IL13RA1: variants seen among roughly 807,000 people sequenced by gnomAD.
The protein encoded by IL13RA1 is interleukin-13 receptor subunit alpha-1.
Under a neutral mutation model 33.8 loss-of-function variants are expected in IL13RA1, and 14 were observed. The observed-to-expected ratio is 0.41, with a 90% CI of 0.27 to 0.65. IL13RA1 has a LOEUF of 0.65. Ranked by LOEUF, IL13RA1 falls within the 30% of genes least tolerant of loss-of-function variation. IL13RA1 has a pLI of 0.28. For missense variants in IL13RA1, 313 were observed against 327.0 expected (o/e 0.96, Z 0.33); for synonymous variants, 116 against 115.7 (o/e 1.00, Z -0.02).
chrX:118,775,040 ATAAT>A (rs1462455332), intron 9 of IL13RA1, among the ~76,000 whole-genome samples: 1 of 111,647 alleles, frequency 9.0e-6, no homozygotes, highest in Non-Finnish European at 1.9e-5. Context: ...CACAAAATAA[ATAAT>A]AAATACTATA....
At chrX:118,768,064 T>A in intron 8 of IL13RA1, among the ~76,000 whole-genome samples, 1 of 111,785 alleles carries the variant, frequency 8.9e-6, no homozygotes, top group Non-Finnish European at 1.9e-5. Flanking sequence ...TGATTTCTAA[T>A]ATTTGAGGTA....
At chrX:118,795,227 A>AAAAAAAAAAAAAAAAAG (rs200347606), downstream of IL13RA1, among the ~76,000 whole-genome samples, 9 of 94,998 alleles carry the variant, frequency 9.5e-5, no homozygotes, top group African/African-American at 4.3e-4. Flanking sequence ...AAAAAAAAAA[A>AAAAAAAAAAAAAAAAAG]AAAGAAAAAG....
intron 4 of IL13RA1, among the ~76,000 whole-genome samples, chrX:118,754,415 A>T (rs1357560155): frequency 2.7e-5 from 3 of 110,352 alleles, no homozygotes; most frequent in Non-Finnish European, 5.7e-5. Context: ...AGGCAGGTGG[A>T]TCATGAGGTC....
rs1283904550 is a variant in IL13RA1, at chrX:118,791,989, A to T, written c.*135A>T. 20 of 370,141 alleles carry T rather than the reference A, an allele frequency of 5.4e-5. No homozygotes were observed. Among genetic ancestry groups the T allele is most frequent in the Non-Finnish European group, 9.3e-6 (2 of 216,193 alleles). 30.5% of individuals were successfully genotyped at this position (370,141 alleles called of 1,213,427 possible). A position where few individuals can be genotyped will look rare whatever the true frequency, so the allele number is the denominator to read the frequency against. ...AAAACAGGCAGCTCATAAGAGCCAC[A>T]GGTCTTTATGTTGAGTCGCGCACCG... On this transcript the variant is annotated 3_prime_UTR_variant, in exon 11 of 11. Coordinates refer to ENST00000371666, the MANE Select transcript of IL13RA1 (RefSeq NM_001560.3).
At chrX:118,776,997 G>GTATA (rs34840439) in intron 10 of IL13RA1, among the ~76,000 whole-genome samples, 39 of 97,336 alleles carry the variant, frequency 4.0e-4, no homozygotes, top group African/African-American at 1.2e-3. Flanking sequence ...ATGTGTGTGT[G>GTATA]TATATATATA....
At chrX:118,800,644 C>T in the IL13RA1 span, among the ~76,000 whole-genome samples, 643 of 111,157 alleles carry the variant, frequency 5.8e-3, 9 homozygotes, top group African/African-American at 0.019. Flanking sequence ...AGACCAAGAA[C>T]CCACCAATTC....
At chrX:118,790,499 C>T (rs186725729) in intron 10 of IL13RA1, among the ~76,000 whole-genome samples, 15 of 111,428 alleles carry the variant, frequency 1.3e-4, no homozygotes, top group Non-Finnish European at 3.8e-5. Flanking sequence ...GGGTAAATAC[C>T]TGGGAGTGGG....
intron 3 of IL13RA1, among the ~76,000 whole-genome samples, chrX:118,748,747 C>G (rs1192471003): frequency 4.5e-5 from 5 of 111,615 alleles, no homozygotes; most frequent in African/African-American, 1.6e-4. Context: ...ACATTTTAAA[C>G]AGAGGTGTTT....
At chrX:118,770,258 C>T (rs1267438779) in intron 8 of IL13RA1, 4 of 326,823 alleles carry the variant, frequency 1.2e-5, no homozygotes, top group African/African-American at 7.9e-5. Flanking sequence ...CCATCGTGCA[C>T]CCTGCAATGT....
At chrX:118,750,790 G>T (rs975689333) in intron 4 of IL13RA1, among the ~76,000 whole-genome samples, 1 of 110,492 alleles carries the variant, frequency 9.1e-6, no homozygotes, top group Admixed American at 9.7e-5. Flanking sequence ...TATGTCCGGG[G>T]TCAAAAAGTT....
chrX:118,762,316 A>G (rs2017598293), intron 6 of IL13RA1, among the ~76,000 whole-genome samples: 3 of 112,681 alleles, frequency 2.7e-5, no homozygotes, highest in South Asian at 7.3e-4. Flanking sequence ...GTGTGTGTCC[A>G]TAAGATGGCG....
At chrX:118,754,166 C>T (rs1387133985) in intron 4 of IL13RA1, among the ~76,000 whole-genome samples, 1 of 111,019 alleles carries the variant, frequency 9.0e-6, no homozygotes. Flanking sequence ...TCCTGGCTCT[C>T]TTCCTTACTT....
intron 10 of IL13RA1, among the ~76,000 whole-genome samples, chrX:118,789,370 A>G (rs1007029120): frequency 8.9e-6 from 1 of 112,229 alleles, no homozygotes; most frequent in Non-Finnish European, 1.9e-5. Context: ...TCATATACCT[A>G]CCAGCAGTAT....
chrX:118,789,128 A>G (rs1214379602), intron 10 of IL13RA1, among the ~76,000 whole-genome samples: 2 of 112,654 alleles, frequency 1.8e-5, no homozygotes, highest in Non-Finnish European at 3.8e-5. Context: ...ATTCCCATTA[A>G]GGAAACTGGC....
chrX:118,800,665 C>T, the IL13RA1 span, among the ~76,000 whole-genome samples: 9 of 111,584 alleles, frequency 8.1e-5, no homozygotes, highest in African/African-American at 2.9e-4. Flanking sequence ...GGGACAGTGG[C>T]ATGATCACGG....
rs73595415 is a variant in IL13RA1 at position 118,767,838 on chromosome X, G to A, written c.1009+862G>A. On this transcript the variant is annotated intron_variant, in intron 8 of 10. Transcript: ENST00000371666. ...TGTCAAAAAGGCATATACAATCTTA[G>A]GAGTGATAAGTGCAGCACCCAGAAA... 3.8e-3 allele frequency among the ~76,000 whole-genome samples: 426 copies of A among 111,351 alleles called. 7 individuals carry two copies. The highest frequency in any genetic ancestry group is 0.013 in the African/African-American group (413 of 30,631).
In IL13RA1 at chrX:118,764,614, G is replaced by A. The variant is rs144272188; in HGVS notation, c.829-1916G>A. On this transcript the variant is annotated intron_variant, in intron 6 of 10. Coordinates refer to ENST00000371666, the MANE Select transcript of IL13RA1 (RefSeq NM_001560.3). ...ATTGAATGTCAAAAATAATATCTAT[G>A]TGTTCTGGTCTTGGTTCCAAGTTTA... is the stretch of plus-strand genomic sequence containing the variant. Among the ~76,000 whole-genome samples, 14 of 111,368 alleles carry A rather than the reference G, an allele frequency of 1.3e-4. No individual in the cohort carries two copies. The East Asian group carries it at 3.4e-3, about 27-fold the overall frequency.
At chrX:118,760,634 T>A (rs2017580706) in intron 5 of IL13RA1, among the ~76,000 whole-genome samples, 1 of 112,576 alleles carries the variant, frequency 8.9e-6, no homozygotes, top group African/African-American at 3.2e-5. Flanking sequence ...TAAATAAACT[T>A]CTTCTATAAT....
intron 10 of IL13RA1, among the ~76,000 whole-genome samples, chrX:118,788,554 A>T (rs190762933): frequency 8.9e-6 from 1 of 111,928 alleles, no homozygotes. Context: ...AGGCACAGAG[A>T]CTATATGGCC....
Sources: allele counts gnomAD v4.1 joint callset (sites outside exome capture counted in the v4.1 genomes callset), GRCh38; gene constraint gnomAD v4.1.1; transcripts MANE v1.5; gene names NCBI Gene and HGNC (gene_info 2026-07-23, HGNC 2026-07-21).